The following HSDL2 variants were observed in gnomAD, a reference collection of about 807,000 sequenced individuals.
The protein encoded by HSDL2 is hydroxysteroid dehydrogenase like 2.
A neutral mutation model predicts 46.3 loss-of-function variants in HSDL2; 27 were observed. The observed-to-expected ratio is 0.58, with a 90% CI of 0.43 to 0.80. The LOEUF (loss-of-function observed/expected upper bound fraction) is 0.80, where lower values mean the gene tolerates loss of function less well. Ranked by LOEUF, HSDL2 falls within the 30% of genes least tolerant of loss-of-function variation. The pLI, the probability that HSDL2 is intolerant of heterozygous loss-of-function variation, is 0.00. For synonymous variants in HSDL2, 153 were observed against 163.6 expected, an observed-to-expected ratio of 0.94 and a Z score of 0.50; for missense variants, 451 against 502.7, an observed-to-expected ratio of 0.90 and a Z score of 0.98.
intron 6 of HSDL2, among the ~76,000 whole-genome samples, chr9:112,435,804 C>A (rs370665819): frequency 6.6e-6 from 1 of 151,966 alleles, no homozygotes; most frequent in South Asian, 2.1e-4. Context: ...ACAGTCATAG[C>A]TCACTGCAGC....
rs748208041 is a variant in HSDL2 at position 112,408,996 on chromosome 9, G to A, written c.370G>A (p.Val124Met). ...CAAGAGATTGGATCTGATGATGAAC[G>A]TGAACACCAGAGGCACCTACCTTGC... The part of the protein sequence containing the change: ...PTKRLDLMMN[V>M]NTRGTYLASK... The change falls in exon 4 of 11, where the codon GTG becomes ATG. Residue 124 changes from valine to methionine, a missense_variant. Coordinates refer to ENST00000398805, the MANE Select transcript of HSDL2 (RefSeq NM_032303.5). 27 of 1,605,530 alleles carry A rather than the reference G, an allele frequency of 1.7e-5. No individual in the cohort carries two copies. The highest frequency in any genetic ancestry group is 2.2e-5 in the South Asian group (2 of 90,536).
chr9:112,419,015 A>G (rs1832060386), intron 6 of HSDL2, 57 bp downstream of exon 6: 1 of 933,018 alleles, frequency 1.1e-6, no homozygotes, highest in African/African-American at 1.6e-5. Flanking sequence ...CTTGACACTT[A>G]TTATTATTTT....
intron 1 of HSDL2, among the ~76,000 whole-genome samples, chr9:112,396,637 T>C (rs926538762): frequency 1.3e-5 from 2 of 152,066 alleles, no homozygotes; most frequent in Admixed American, 1.3e-4. Context: ...CCGTGATTCC[T>C]TTAGTAGTAG....
At chr9:112,391,760 C>T (rs1371237972) in intron 1 of HSDL2, among the ~76,000 whole-genome samples, 4 of 151,820 alleles carry the variant, frequency 2.6e-5, no homozygotes, top group Non-Finnish European at 5.9e-5. Context: ...ACAAAATCAG[C>T]TGGGTGTAGT....
At chr9:112,426,119 G>A (rs1832237932) in intron 6 of HSDL2, among the ~76,000 whole-genome samples, 1 of 152,008 alleles carries the variant, frequency 6.6e-6, no homozygotes, top group Admixed American at 6.6e-5. Flanking sequence ...CTTTGGGTTT[G>A]TGGCACCCTG....
intron 7 of HSDL2, among the ~76,000 whole-genome samples, chr9:112,439,273 C>T (rs1275845784): frequency 2.6e-5 from 4 of 152,224 alleles, no homozygotes; most frequent in African/African-American, 9.6e-5. Flanking sequence ...GTTAGGATTA[C>T]AGGCGTGAGC....
chr9:112,431,366 C>T (rs934292735), intron 6 of HSDL2, among the ~76,000 whole-genome samples: 1 of 152,042 alleles, frequency 6.6e-6, no homozygotes, highest in Non-Finnish European at 1.5e-5. Flanking sequence ...AGAGAAAGGA[C>T]TATTGTCCAT....
chr9:112,387,943 G>C (rs1358959344), intron 1 of HSDL2, among the ~76,000 whole-genome samples: 1 of 152,138 alleles, frequency 6.6e-6, no homozygotes, highest in Non-Finnish European at 1.5e-5. Context: ...AGAATCGCTT[G>C]AGCCCAAGCA....
chr9:112,421,062 G>A (rs189332175), intron 6 of HSDL2, among the ~76,000 whole-genome samples: 1 of 152,286 alleles, frequency 6.6e-6, no homozygotes, highest in East Asian at 1.9e-4. Context: ...AGTTGCAGTG[G>A]CTCGTGCTTG....
At chr9:112,400,523 C>T (rs1221411565) in intron 1 of HSDL2, among the ~76,000 whole-genome samples, 1 of 152,212 alleles carries the variant, frequency 6.6e-6, no homozygotes, top group Non-Finnish European at 1.5e-5. Context: ...AGGAGAATCG[C>T]TTGAACCTGG....
chr9:112,407,983 G>T lies in HSDL2; in HGVS notation c.281-924G>T, dbSNP rs77263528. ...AAGCAAAACTTGTTGGTTATAGGTA[G>T]AAACTAGATAGAATTTGCAGAAATA... On this transcript the variant is annotated intron_variant, in intron 3 of 10. Coordinates refer to ENST00000398805, the MANE Select transcript of HSDL2 (RefSeq NM_032303.5). Among the ~76,000 whole-genome samples the T allele has an allele frequency of 1.9e-3, 286 of 152,296 alleles. 4 individuals are homozygous for T. The East Asian group carries it at 0.02, about 11-fold the overall frequency.
chr9:112,466,311 G>C (rs969299742), intron 10 of HSDL2, among the ~76,000 whole-genome samples: 21 of 152,120 alleles, frequency 1.4e-4, no homozygotes, highest in African/African-American at 5.1e-4. Context: ...CTAGCACTTT[G>C]GGAGGCCGAG....
rs117294556 is a variant in HSDL2, at chr9:112,438,044, G to A, written c.599-387G>A. On this transcript the variant is annotated intron_variant, in intron 6 of 10. Transcript: ENST00000398805. ...GGACGGATCACAAGGTCAGGAGTTCGAGACCAGCCAACATGGTGAAACCCC... is the reference window on the plus strand; with the variant it reads ...GGACGGATCACAAGGTCAGGAGTTCAAGACCAGCCAACATGGTGAAACCCC... Among the ~76,000 whole-genome samples the A allele has an allele frequency of 1.4e-4, 21 of 152,152 alleles. 1 individual carries two copies. The East Asian group carries it at 3.3e-3, about 24-fold the overall frequency.
intron 1 of HSDL2, among the ~76,000 whole-genome samples, chr9:112,403,742 C>T (rs771413633): frequency 6.6e-5 from 10 of 151,974 alleles, no homozygotes; most frequent in Non-Finnish European, 1.2e-4. Context: ...TGAAGATTTG[C>T]TTTGCATTTG....
chr9:112,422,841 A>G (rs1015535555), intron 6 of HSDL2, among the ~76,000 whole-genome samples: 2 of 152,250 alleles, frequency 1.3e-5, no homozygotes, highest in African/African-American at 4.8e-5. Context: ...AAATCTTCCA[A>G]GCCTTCAGGC....
At chr9:112,408,405 G>A (rs945434613) in intron 3 of HSDL2, among the ~76,000 whole-genome samples, 5 of 152,116 alleles carry the variant, frequency 3.3e-5, no homozygotes, top group Non-Finnish European at 5.9e-5. Flanking sequence ...AATCATGCAG[G>A]TGCTATTTTG....
intron 6 of HSDL2, among the ~76,000 whole-genome samples, chr9:112,426,012 A>G (rs892592541): frequency 3.3e-5 from 5 of 152,138 alleles, no homozygotes; most frequent in African/African-American, 1.2e-4. Flanking sequence ...AATTGTTGGC[A>G]TTACAGGCGT....
intron 1 of HSDL2, among the ~76,000 whole-genome samples, chr9:112,392,613 G>A (rs1831370146): frequency 1.3e-5 from 2 of 152,154 alleles, no homozygotes; most frequent in African/African-American, 4.8e-5. Context: ...TCCGTTTATA[G>A]GCTCTCTGCA....
intron 1 of HSDL2, among the ~76,000 whole-genome samples, chr9:112,392,162 A>G (rs535719789): frequency 1.6e-4 from 25 of 152,278 alleles, no homozygotes; most frequent in African/African-American, 6.0e-4. Flanking sequence ...GGGAGGTGTA[A>G]GAACAGGGAG....
Sources: gnomAD v4.1 joint callset for allele counts (sites outside exome capture counted in the v4.1 genomes callset) on GRCh38, gnomAD v4.1.1 for gene constraint, MANE v1.5 for transcripts, NCBI Gene and HGNC (gene_info 2026-07-23, HGNC 2026-07-21) for gene names.